VASH1: variants seen among roughly 807,000 people sequenced by gnomAD.
The protein encoded by VASH1 is tubulinyl-Tyr carboxypeptidase 1.
A neutral mutation model predicts 35.0 loss-of-function variants in VASH1; 16 were observed. The ratio of observed to expected loss-of-function variants is 0.46; its 90% confidence interval spans 0.31 to 0.70. VASH1 has a LOEUF of 0.70. VASH1 is among the 30% of genes least tolerant of loss of function. The pLI is 0.05. For synonymous variants in VASH1, 214 were observed against 200.9 expected (o/e 1.07, Z -0.55); for missense variants, 505 against 510.7 (o/e 0.99, Z 0.11).
chr14:76,767,872 G>C (rs980643231), intron 1 of VASH1, among the ~76,000 whole-genome samples: 2 of 152,218 alleles, frequency 1.3e-5, no homozygotes, highest in African/African-American at 4.8e-5. Context: ...AGAGCAGCCA[G>C]CTCCTAGGTC....
chr14:76,772,731 T>C (rs1376148652), intron 3 of VASH1, among the ~76,000 whole-genome samples: 2 of 152,250 alleles, frequency 1.3e-5, no homozygotes, highest in Non-Finnish European at 2.9e-5. Context: ...TGGTGTCTAC[T>C]GTGCTTCAGA....
rs74068853 is a variant in VASH1, at chr14:76,779,928, G to A, written c.*910G>A. The A allele has an allele frequency of 2.1e-3, 445 of 216,040 alleles. 1 individual carries two copies. The highest frequency in any genetic ancestry group is 9.8e-3 in the African/African-American group (428 of 43,564). The allele number at this position is 216,040 out of a possible 1,614,324, so 13.4% of individuals were successfully genotyped here. A position where few individuals can be genotyped will look rare whatever the true frequency, so the allele number is the denominator to read the frequency against. The stretch of plus-strand genomic sequence containing the variant: ...TGATGGGGCGGGATGCTTGGGCCTG[G>A]GTCTCTCCGCCAGCAGTGCCAGGAG... On this transcript the variant is annotated 3_prime_UTR_variant, in exon 7 of 7. Coordinates refer to ENST00000167106, the MANE Select transcript of VASH1 (RefSeq NM_014909.5).
chr14:76,767,790 C>T (rs187649213), intron 1 of VASH1, among the ~76,000 whole-genome samples: 2 of 152,232 alleles, frequency 1.3e-5, no homozygotes, highest in Non-Finnish European at 2.9e-5. Flanking sequence ...AGTCAAGGAG[C>T]TAGCCTCGGT....
Position 76,780,222 on chromosome 14 carries a change from G to T in VASH1, c.*1204G>T, listed in dbSNP as rs922664965. The stretch of plus-strand genomic sequence containing the variant: ...TTCTGGAGGCTCAAGCAACAAGGAG[G>T]TGCAGGTAAAGGGTGCAGTGCAGCC... On this transcript the variant is annotated 3_prime_UTR_variant, in exon 7 of 7. Transcript: ENST00000167106. 6.5e-6 allele frequency: 1 copy of T among 153,230 alleles called. No individual in the cohort carries two copies. The highest frequency in any genetic ancestry group is 1.5e-5 in the Non-Finnish European group (1 of 68,856). The allele number at this position is 153,230 out of a possible 1,614,324, so 9.5% of individuals were successfully genotyped here.
At chr14:76,772,483 T>C (rs1334847965) in intron 3 of VASH1, among the ~76,000 whole-genome samples, 2 of 151,812 alleles carry the variant, frequency 1.3e-5, no homozygotes, top group African/African-American at 2.4e-5. Context: ...CATGGAGGAG[T>C]CTGGGTGCCC....
In VASH1 at chr14:76,773,396, G is replaced by A. The variant is rs370645528; in HGVS notation, c.530+185G>A. ...GAACCCCCCAAAATGGAGGAGCCCC[G>A]AGGTCCCAGTACCCCACATCTCAGT... On this transcript the variant is annotated intron_variant, in intron 4 of 6. Coordinates refer to ENST00000167106, the MANE Select transcript of VASH1 (RefSeq NM_014909.5). 1.1e-4 allele frequency: 69 copies of A among 604,764 alleles called. No homozygotes were observed. In the South Asian group the frequency reaches 1.3e-3, roughly 11 times the overall value. The allele number at this position is 604,764 out of a possible 1,614,324, so 37.5% of individuals were successfully genotyped here. A position where few individuals can be genotyped will look rare whatever the true frequency, so the allele number is the denominator to read the frequency against.
At position 76,779,056 on chromosome 14, in the gene VASH1, G is replaced by T. The variant is rs780783241; in HGVS notation, c.*38G>T. Reference sequence around the variant, plus strand: ...CACCCCAGGCCCCACCCACTCTTGGGGGCCAGGATCCACCTGCTGGAACCA... The same window carrying T: ...CACCCCAGGCCCCACCCACTCTTGGTGGCCAGGATCCACCTGCTGGAACCA... On this transcript the variant is annotated 3_prime_UTR_variant, in exon 7 of 7. Coordinates refer to ENST00000167106, the MANE Select transcript of VASH1 (RefSeq NM_014909.5). 5.6e-6 allele frequency: 9 copies of T among 1,609,032 alleles called. No individual in the cohort carries two copies. The East Asian group carries it at 2.0e-4, about 36-fold the overall frequency.
In VASH1 at chr14:76,762,732, G is replaced by A. The variant is rs1031513196; in HGVS notation, c.-90G>A. 8.1e-6 allele frequency: 10 copies of A among 1,235,864 alleles called. No individual in the cohort carries two copies. In the African/African-American group the frequency reaches 1.4e-4, roughly 17 times the overall value. 76.6% of individuals were successfully genotyped at this position (1,235,864 alleles called of 1,614,324 possible). On this transcript the variant is annotated 5_prime_UTR_variant, in exon 1 of 7. Transcript: ENST00000167106. ...TTTCTTAAAGGCGCCTTGCACTCTG[G>A]CCATGTGTTATCTCTGCAGCCGGTG...
chr14:76,778,105 G>T, intron 6 of VASH1, 34 bp downstream of exon 6: 1 of 1,392,504 alleles, frequency 7.2e-7, no homozygotes, highest in South Asian at 1.6e-5. Flanking sequence ...TGGGTCCAAA[G>T]AGGGTTTTTT....
chr14:76,780,114 G>C lies in VASH1; in HGVS notation c.*1096G>C, dbSNP rs1161230697. 2 of 154,828 alleles carry C rather than the reference G, an allele frequency of 1.3e-5. No individual in the cohort carries two copies. The highest frequency in any genetic ancestry group is 2.9e-5 in the Non-Finnish European group (2 of 69,722). The allele number at this position is 154,828 out of a possible 1,614,324, so 9.6% of individuals were successfully genotyped here. ...GCAGGGAAGAACCTAGGCACCTGGG[G>C]TTGTCCCCAGCCTGCCCGTCAGCAT... On this transcript the variant is annotated 3_prime_UTR_variant, in exon 7 of 7. Transcript: ENST00000167106.
Position 76,779,494 on chromosome 14 carries a change from C to T in VASH1, c.*476C>T. 1 of 702,012 alleles carries T rather than the reference C, an allele frequency of 1.4e-6. No homozygotes were observed. 43.5% of individuals were successfully genotyped at this position (702,012 alleles called of 1,614,324 possible). A position where few individuals can be genotyped will look rare whatever the true frequency, so the allele number is the denominator to read the frequency against. On this transcript the variant is annotated 3_prime_UTR_variant, in exon 7 of 7. Coordinates refer to ENST00000167106, the MANE Select transcript of VASH1 (RefSeq NM_014909.5). Reference sequence around the variant, plus strand: ...GGAGATGTTTCTCCAGTTCTGCCTGCCCTGGCAGAATCTTGACCCAGGGAA... The same window carrying T: ...GGAGATGTTTCTCCAGTTCTGCCTGTCCTGGCAGAATCTTGACCCAGGGAA...
At chr14:76,770,149 TC>T in intron 2 of VASH1, 98 bp downstream of exon 2, 1 of 1,145,376 alleles carries the variant, frequency 8.7e-7, no homozygotes, top group Non-Finnish European at 1.3e-6. Context: ...GCCGCCTCAT[TC>T]CACAACGCCA....
chr14:76,778,555 C>T (rs939896284), intron 6 of VASH1, among the ~76,000 whole-genome samples: 4 of 152,200 alleles, frequency 2.6e-5, no homozygotes, highest in African/African-American at 7.2e-5. Flanking sequence ...ATTCAGGAGC[C>T]ACCTCTCTGG....
chr14:76,773,307 G>A (rs1381131199), intron 4 of VASH1, 96 bp downstream of exon 4: 1 of 1,271,430 alleles, frequency 7.9e-7, no homozygotes, highest in Non-Finnish European at 1.1e-6. Flanking sequence ...ATGGGCTCCA[G>A]GGCTCTCCCA....
chr14:76,777,397 G>C (rs1268555420), intron 5 of VASH1, among the ~76,000 whole-genome samples: 1 of 152,234 alleles, frequency 6.6e-6, no homozygotes, highest in African/African-American at 2.4e-5. Context: ...CTAGTGTTTA[G>C]AGCTGTGATG....
intron 1 of VASH1, among the ~76,000 whole-genome samples, chr14:76,764,473 G>A (rs1244158231): frequency 6.6e-6 from 1 of 152,090 alleles, no homozygotes; most frequent in East Asian, 1.9e-4. Flanking sequence ...ATTTCCTTGG[G>A]AAAAATTCTG....
At chr14:76,773,960 G>C (rs1396232046) in intron 4 of VASH1, 1 of 152,190 alleles carries the variant, frequency 6.6e-6, no homozygotes, top group Non-Finnish European at 1.5e-5. Context: ...CCAACTCAAA[G>C]CCAATTCTGT....
rs1380867697 is a variant in VASH1 at position 76,779,591 on chromosome 14, C to T, written c.*573C>T. Reference sequence around the variant, plus strand: ...TTAACCAGGAGCTTGGCACAGGCCACATCTGCCCCAAGAGCATGAGCTCGT... The same window carrying T: ...TTAACCAGGAGCTTGGCACAGGCCATATCTGCCCCAAGAGCATGAGCTCGT... On this transcript the variant is annotated 3_prime_UTR_variant, in exon 7 of 7. Transcript: ENST00000167106. 2.0e-5 allele frequency: 13 copies of T among 636,820 alleles called. No individual in the cohort carries two copies. Among genetic ancestry groups the T allele is most frequent in the Middle Eastern group, 2.5e-4 (1 of 4,046 alleles). 39.4% of individuals were successfully genotyped at this position (636,820 alleles called of 1,614,324 possible).
At chr14:76,763,722 C>T (rs947523366) in intron 1 of VASH1, among the ~76,000 whole-genome samples, 3 of 152,104 alleles carry the variant, frequency 2.0e-5, no homozygotes, top group African/African-American at 7.2e-5. Flanking sequence ...GTGTCCAGGT[C>T]CTCTTCTCTG....
Sources: gnomAD v4.1 joint callset for allele counts (sites outside exome capture counted in the v4.1 genomes callset) on GRCh38, gnomAD v4.1.1 for gene constraint, MANE v1.5 for transcripts, NCBI Gene and HGNC (gene_info 2026-07-23, HGNC 2026-07-21) for gene names.